Variants in MYLK observed in about 807,000 individuals in gnomAD.
The protein encoded by MYLK is myosin light chain kinase, smooth muscle.
In MYLK, 106 loss-of-function variants were observed where a neutral mutation model predicts 203.4. That is an observed-to-expected ratio of 0.52 (90% CI 0.45 to 0.61). The LOEUF (loss-of-function observed/expected upper bound fraction) is 0.61, where lower values mean the gene tolerates loss of function less well. Ranked by LOEUF, MYLK falls within the 20% of genes least tolerant of loss-of-function variation. The pLI, the probability that MYLK is intolerant of heterozygous loss-of-function variation, is 0.00. For synonymous variants in MYLK, 867 were observed against 959.5 expected (o/e 0.90, Z 1.78); for missense variants, 2,072 against 2,442.3 (o/e 0.85, Z 3.20).
At chr3:123,713,577 CAATGTGTGT>C (rs1386317069) in intron 13 of MYLK, among the ~76,000 whole-genome samples, 459 of 107,228 alleles carry the variant, frequency 4.3e-3, no homozygotes, top group East Asian at 0.021. Context: ...AAGAGCAACA[CAATGTGTGT>C]GTGTGTGTGT....
At chr3:123,750,269 T>C (rs2108869504) in intron 5 of MYLK, among the ~76,000 whole-genome samples, 1 of 152,280 alleles carries the variant, frequency 6.6e-6, no homozygotes, top group Admixed American at 6.6e-5. Flanking sequence ...GTATTTTAAT[T>C]TTAATTTGAG....
intron 10 of MYLK, 44 bp downstream of exon 10, chr3:123,733,643 G>T (rs1326782055): frequency 6.2e-7 from 1 of 1,609,546 alleles, no homozygotes; most frequent in East Asian, 2.2e-5. Flanking sequence ...GGCCACCAAG[G>T]GGCTACATTT....
chr3:123,711,215 G>C (rs1311899476), intron 13 of MYLK, among the ~76,000 whole-genome samples: 1 of 152,172 alleles, frequency 6.6e-6, no homozygotes, highest in Non-Finnish European at 1.5e-5. Flanking sequence ...CAGGGGACGG[G>C]GGGTTGGATT....
chr3:123,749,891 A>T (rs1046490292), intron 5 of MYLK, among the ~76,000 whole-genome samples: 3 of 152,232 alleles, frequency 2.0e-5, no homozygotes, highest in Non-Finnish European at 4.4e-5. Context: ...AAGGATTACA[A>T]AACTCCACAT....
chr3:123,780,977 T>G (rs774691228), intron 4 of MYLK, among the ~76,000 whole-genome samples: 22 of 152,278 alleles, frequency 1.4e-4, no homozygotes, highest in Non-Finnish European at 2.8e-4. Flanking sequence ...AAAAGTGGGA[T>G]GGGCTCCCTG....
intron 1 of MYLK, among the ~76,000 whole-genome samples, chr3:123,881,112 G>A (rs982097369): frequency 6.6e-6 from 1 of 152,106 alleles, no homozygotes; most frequent in South Asian, 2.1e-4. Flanking sequence ...CTGCTTCCCC[G>A]CACAACCATG....
chr3:123,616,114 T>C (rs2107832310), intron 33 of MYLK, among the ~76,000 whole-genome samples: 1 of 152,278 alleles, frequency 6.6e-6, no homozygotes, highest in East Asian at 1.9e-4. Context: ...TTAAAATAGG[T>C]GAATTTTATA....
intron 23 of MYLK, among the ~76,000 whole-genome samples, chr3:123,661,747 A>G (rs1472828030): frequency 6.6e-6 from 1 of 152,132 alleles, no homozygotes; most frequent in African/African-American, 2.4e-5. Context: ...GAGAAGGTAA[A>G]CAGAAATATG....
intron 10 of MYLK, among the ~76,000 whole-genome samples, 161 bp downstream of exon 10, chr3:123,733,526 C>A (rs1004697639): frequency 2.6e-5 from 4 of 152,150 alleles, no homozygotes; most frequent in African/African-American, 9.7e-5. Context: ...TACAATGAGT[C>A]ACTCCTAAGG....
At chr3:123,633,397 G>A (rs893212225) in intron 29 of MYLK, among the ~76,000 whole-genome samples, 1 of 151,616 alleles carries the variant, frequency 6.6e-6, no homozygotes, top group African/African-American at 2.4e-5. Flanking sequence ...AAAGGGCTGG[G>A]AGTATAAGCA....
At chr3:123,622,999 C>G (rs1357745064) in intron 31 of MYLK, 2 of 152,272 alleles carry the variant, frequency 1.3e-5, no homozygotes, top group Non-Finnish European at 2.9e-5. Context: ...AGCACAAATT[C>G]CCTGCCCCTT....
chr3:123,649,274 G>C (rs569498613), intron 24 of MYLK, 80 bp from the exon 25 acceptor site: 12 of 1,574,766 alleles, frequency 7.6e-6, no homozygotes, highest in Admixed American at 6.7e-5. Context: ...TGTGCTGGGG[G>C]CCCTGCCAGG....
chr3:123,877,760 A>G (rs2033256119), intron 1 of MYLK, among the ~76,000 whole-genome samples: 2 of 152,226 alleles, frequency 1.3e-5, no homozygotes, highest in Non-Finnish European at 2.9e-5. Context: ...AAGATCAGCA[A>G]CCAAGTGATT....
intron 13 of MYLK, among the ~76,000 whole-genome samples, chr3:123,713,488 A>G (rs1244059244): frequency 6.6e-6 from 1 of 151,988 alleles, no homozygotes; most frequent in Non-Finnish European, 1.5e-5. Flanking sequence ...TCCAGGACAA[A>G]CACACTGTCA....
intron 3 of MYLK, among the ~76,000 whole-genome samples, chr3:123,802,991 G>GTTTTACTGTGTTT (rs1457426413): frequency 1.6e-4 from 24 of 152,058 alleles, no homozygotes; most frequent in Admixed American, 1.6e-3. Flanking sequence ...TGTGCCTTGT[G>GTTTTACTGTGTTT]TTTTAAACCC....
chr3:123,820,611 TTTCCTTCCTTCC>T (rs71142760), intron 3 of MYLK, among the ~76,000 whole-genome samples: 13 of 136,136 alleles, frequency 9.5e-5, no homozygotes, highest in African/African-American at 1.6e-4. Context: ...CAGTGATTGA[TTTCCTTCCTTCC>T]TTCCTTCCTT....
intron 27 of MYLK, among the ~76,000 whole-genome samples, chr3:123,641,773 C>T (rs1326524959): frequency 7.0e-6 from 1 of 143,838 alleles, no homozygotes; most frequent in Admixed American, 6.9e-5. Flanking sequence ...CTCCCTCCCT[C>T]TCTTCCCTCC....
intron 1 of MYLK, among the ~76,000 whole-genome samples, chr3:123,881,591 T>A (rs919821673): frequency 6.6e-6 from 1 of 151,954 alleles, no homozygotes; most frequent in Non-Finnish European, 1.5e-5. Context: ...AGACACCCCA[T>A]ACTCATGGGA....
At chr3:123,743,225 T>C (rs1255808831) in intron 5 of MYLK, among the ~76,000 whole-genome samples, 2 of 152,172 alleles carry the variant, frequency 1.3e-5, no homozygotes, top group Non-Finnish European at 2.9e-5. Flanking sequence ...ATTCCTTTCT[T>C]CCTTAAAAAA....
Sources: gnomAD v4.1 joint callset for allele counts (sites outside exome capture counted in the v4.1 genomes callset) on GRCh38, gnomAD v4.1.1 for gene constraint, MANE v1.5 for transcripts, NCBI Gene and HGNC (gene_info 2026-07-23, HGNC 2026-07-21) for gene names.